The following DDX1 variants were observed in gnomAD, a reference collection of about 807,000 sequenced individuals.
The protein encoded by DDX1 is DEAD-box helicase 1.
In DDX1, 28 loss-of-function variants were observed where a neutral mutation model predicts 108.7. The ratio of observed to expected loss-of-function variants is 0.26; its 90% CI spans 0.19 to 0.35. The LOEUF (loss-of-function observed/expected upper bound fraction) is 0.35. DDX1 is among the 10% of genes least tolerant of loss of function. DDX1 has a pLI of 1.00. For synonymous variants in DDX1, 295 were observed against 288.9 expected, an observed-to-expected ratio of 1.02 and a Z score of -0.21; for missense variants, 710 against 884.5, an observed-to-expected ratio of 0.80 and a Z score of 2.50.
chr2:15,611,278 C>T (rs1375529169), intron 13 of DDX1, among the ~76,000 whole-genome samples: 1 of 151,594 alleles, frequency 6.6e-6, no homozygotes, highest in Non-Finnish European at 1.5e-5. Flanking sequence ...TCTCCCATGT[C>T]TACCTCCTAC....
chr2:15,612,612 G>A lies in DDX1; in HGVS notation c.957-612G>A, dbSNP rs1475240941. 4.0e-3 allele frequency among the ~76,000 whole-genome samples: 604 copies of A among 151,894 alleles called. 3 individuals carry two copies. Among genetic ancestry groups the A allele is most frequent in the African/African-American group, 0.014 (563 of 41,450 alleles). ...TCACTTCCCAGACGGGGTGGCGGCC[G>A]GGCAGAGGCTGCAATCTCGGCACTT... On this transcript the variant is annotated intron_variant, in intron 13 of 25. Transcript: ENST00000233084.
chr2:15,598,774 C>T (rs376963781), intron 5 of DDX1, among the ~76,000 whole-genome samples: 8 of 152,104 alleles, frequency 5.3e-5, no homozygotes, highest in Middle Eastern at 3.2e-3. Flanking sequence ...CTAGAAAGCA[C>T]GTAGAGCTCT....
At chr2:15,613,339 A>G (rs757686814) in intron 14 of DDX1, 55 bp downstream of exon 14, 4 of 1,226,368 alleles carry the variant, frequency 3.3e-6, no homozygotes, top group Admixed American at 2.1e-5. Flanking sequence ...CGTTTTAGCA[A>G]TACAGCTCTG....
intron 13 of DDX1, among the ~76,000 whole-genome samples, chr2:15,607,834 C>T (rs184156733): frequency 7.5e-4 from 114 of 152,312 alleles, no homozygotes; most frequent in Non-Finnish European, 1.4e-3. Flanking sequence ...GAATTACAGG[C>T]ATGAGCCACT....
rs759232995 is a variant in DDX1, at chr2:15,630,007, A to G, written c.1989A>G (p.Glu663=). 6 of 1,605,314 alleles carry G rather than the reference A, an allele frequency of 3.7e-6. No homozygotes were observed. The highest frequency in any genetic ancestry group is 1.3e-5 in the African/African-American group (1 of 74,468). The change falls in exon 25 of 26, where the codon GAA becomes GAG. Residue 663 remains glutamate (E), a synonymous_variant. Coordinates refer to ENST00000233084, the MANE Select transcript of DDX1 (RefSeq NM_004939.3). The part of the protein sequence containing the change: ...YNEMQLLSEI[E]EHLNCTISQV... ...TTACTTAGTTACTATCTGAGATAGA[A>G]GAACACCTGAACTGTACCATTTCTC...
Position 15,620,277 on chromosome 2 carries a change from C to G in DDX1, c.1276C>G (p.Pro426Ala). The change falls in exon 17 of 26, where the codon CCT (proline) becomes GCT (alanine). Residue 426 changes from proline (P) to alanine (A), a missense_variant. Around this residue, in one of 3 missense-constraint regions of DDX1, gnomAD observed 661 missense variants for 810.2 expected, o/e 0.82. Coordinates refer to ENST00000233084, the MANE Select transcript of DDX1 (RefSeq NM_004939.3). ...KKLSEKIMHF[P>A]TWVDLKGEDS... ...ACTGTCCGAGAAGATAATGCATTTT[C>G]CTACATGGGTTGACTTAAAAGGAGA... 6.2e-7 allele frequency: 1 copy of G among 1,614,050 alleles called. No individual in the cohort carries two copies. The highest frequency in any genetic ancestry group is 1.1e-5 in the South Asian group (1 of 91,066).
chr2:15,604,646 A>T, intron 10 of DDX1, 137 bp downstream of exon 10: 1 of 638,410 alleles, frequency 1.6e-6, no homozygotes, highest in South Asian at 1.9e-5. Flanking sequence ...TTTATTGAGC[A>T]TTGACTATGT....
chr2:15,627,002 G>T lies in DDX1; in HGVS notation c.1595-52G>T. ...TGAATTTTATTGGCTTTTTTACATA[G>T]TCTTAGGCAGAAGATTTTCCAAGGT... On this transcript the variant is annotated intron_variant, in intron 19 of 25. Transcript: ENST00000233084. The T allele has an allele frequency of 8.1e-7, 1 of 1,234,282 alleles. No individual in the cohort carries two copies. Among genetic ancestry groups the T allele is most frequent in the Admixed American group, 1.9e-5 (1 of 51,980 alleles). The allele number at this position is 1,234,282 out of a possible 1,614,324, so 76.5% of individuals were successfully genotyped here.
chr2:15,614,799 T>A (rs1665867226), intron 14 of DDX1, among the ~76,000 whole-genome samples: 2 of 152,222 alleles, frequency 1.3e-5, no homozygotes, highest in Admixed American at 1.3e-4. Context: ...AGCTGAAACA[T>A]TTAGTGTGTT....
At chr2:15,608,173 TTTTGTC>T (rs1177853943) in intron 13 of DDX1, among the ~76,000 whole-genome samples, 20 of 152,178 alleles carry the variant, frequency 1.3e-4, no homozygotes, top group Admixed American at 4.6e-4. Flanking sequence ...TTTTTGTTAA[TTTTGTC>T]TTTAATTACT....
At chr2:15,623,672 C>A in intron 19 of DDX1, 90 bp downstream of exon 19, 1 of 1,086,634 alleles carries the variant, frequency 9.2e-7, no homozygotes, top group African/African-American at 1.6e-5. Flanking sequence ...AACACATGCA[C>A]AGAATTTAAA....
At chr2:15,598,746 C>T (rs1442415868) in intron 5 of DDX1, among the ~76,000 whole-genome samples, 3 of 152,028 alleles carry the variant, frequency 2.0e-5, no homozygotes, top group Non-Finnish European at 4.4e-5. Flanking sequence ...GGATTTCTAC[C>T]GTGAGTGGAA....
chr2:15,605,191 G>A (rs890304279), intron 10 of DDX1, among the ~76,000 whole-genome samples: 1 of 152,158 alleles, frequency 6.6e-6, no homozygotes, highest in Non-Finnish European at 1.5e-5. Flanking sequence ...CATTCTGGCT[G>A]CTTTGTTGAA....
chr2:15,624,750 G>A (rs1384460983), intron 19 of DDX1, among the ~76,000 whole-genome samples: 1 of 152,116 alleles, frequency 6.6e-6, no homozygotes, highest in East Asian at 1.9e-4. Context: ...TTATGGAAAT[G>A]CAAAATAAAA....
At chr2:15,617,376 T>C (rs369306495) in intron 15 of DDX1, 34 bp downstream of exon 15, 8 of 1,312,732 alleles carry the variant, frequency 6.1e-6, no homozygotes, top group Non-Finnish European at 8.5e-6. Flanking sequence ...TTTTAAAAAG[T>C]TTACTTATAT....
intron 14 of DDX1, among the ~76,000 whole-genome samples, chr2:15,616,783 A>G (rs1665901834): frequency 6.6e-6 from 1 of 152,240 alleles, no homozygotes. Context: ...CTCTGCGTCT[A>G]GTGCTTTACG....
Position 15,618,169 on chromosome 2 carries a change from T to C in DDX1, c.1117-12T>C, listed in dbSNP as rs3770466. 0.18 allele frequency: 266,231 copies of C among 1,486,816 alleles called. 27,461 individuals carry two copies. Among genetic ancestry groups the C allele is most frequent in the African/African-American group, 0.42 (30,535 of 71,974 alleles). 92.1% of individuals were successfully genotyped at this position (1,486,816 alleles called of 1,614,324 possible). On this transcript the variant is annotated splice_polypyrimidine_tract_variant and intron_variant, in intron 15 of 25. Transcript: ENST00000233084. ...GATTAAAAACTTAATTTATTCTTTG[T>C]TTCTCATGCAGGATGGGCTTCTTTC...
intron 25 of DDX1, 86 bp downstream of exon 25, chr2:15,630,196 C>A (rs531853485): frequency 5.0e-4 from 671 of 1,343,878 alleles, no homozygotes; most frequent in Non-Finnish European, 6.7e-4. Context: ...ACTTTCATTT[C>A]ATTAGGTTAA....
At chr2:15,613,832 A>AT (rs1665844665) in intron 14 of DDX1, among the ~76,000 whole-genome samples, 1 of 132,302 alleles carries the variant, frequency 7.6e-6, no homozygotes, top group Non-Finnish European at 1.6e-5. Context: ...GAAGTTTAGG[A>AT]ATTTTTTTTT....
Sources: gnomAD v4.1 joint callset for allele counts (sites outside exome capture counted in the v4.1 genomes callset) on GRCh38, gnomAD v4.1.1 for gene constraint, gnomAD v4.1.1 regional missense constraint, MANE v1.5 for transcripts, NCBI Gene and HGNC (gene_info 2026-07-23, HGNC 2026-07-21) for gene names.